Variants in GPD2 observed in about 807,000 individuals in gnomAD.
The protein encoded by GPD2 is glycerol-3-phosphate dehydrogenase, mitochondrial.
Under a neutral mutation model 82.4 loss-of-function variants are expected in GPD2, and 54 were observed. The observed-to-expected ratio is 0.66, with a 90% CI of 0.53 to 0.82. The LOEUF (loss-of-function observed/expected upper bound fraction) is 0.82, where lower values mean the gene tolerates loss of function less well. GPD2 is among the 40% of genes least tolerant of loss of function. The probability of loss-of-function intolerance (pLI) is 0.00; values close to 1 mark genes in which losing one functional copy is unlikely to be tolerated. For missense variants in GPD2, 748 were observed against 896.2 expected (o/e 0.83, Z 2.11); for synonymous variants, 288 against 306.1 (o/e 0.94, Z 0.62).
At chr2:156,545,538 T>C (rs945965125) in intron 6 of GPD2, among the ~76,000 whole-genome samples, 3 of 152,194 alleles carry the variant, frequency 2.0e-5, no homozygotes, top group African/African-American at 7.2e-5. Context: ...GGACAGATGC[T>C]ATTCTAATTG....
At chr2:156,426,439 TG>T in the GPD2 span, among the ~76,000 whole-genome samples, 12 of 152,178 alleles carry the variant, frequency 7.9e-5, no homozygotes, top group African/African-American at 1.9e-4. Flanking sequence ...GAGAACAGCA[TG>T]GGGGAAACTG....
At chr2:156,552,565 T>G (rs564496646) in intron 8 of GPD2, among the ~76,000 whole-genome samples, 1 of 152,216 alleles carries the variant, frequency 6.6e-6, no homozygotes, top group East Asian at 1.9e-4. Context: ...TTTACTAGAT[T>G]CAACATATTC....
intron 13 of GPD2, among the ~76,000 whole-genome samples, chr2:156,574,840 A>G (rs1225861329): frequency 1.3e-5 from 2 of 152,220 alleles, no homozygotes; most frequent in Non-Finnish European, 2.9e-5. Context: ...AGAAAAAAAC[A>G]AAAGCAAATA....
the GPD2 span, among the ~76,000 whole-genome samples, chr2:156,424,562 A>G: frequency 6.6e-6 from 1 of 152,228 alleles, no homozygotes; most frequent in Admixed American, 6.5e-5. Flanking sequence ...TCAGAGAGCT[A>G]AGGAAACAGA....
Position 156,579,555 on chromosome 2 carries a change from C to A in GPD2, c.1960-135C>A. On this transcript the variant is annotated intron_variant, in intron 15 of 16. Transcript: ENST00000438166. ...CCATGTTGGCCAGGCTGGTCTCGAA[C>A]TCCTGACCTCAACTAATCTGCCTGC... 4.7e-6 allele frequency: 3 copies of A among 644,796 alleles called. No individual in the cohort carries two copies. The Admixed American group carries it at 7.0e-5, about 15-fold the overall frequency. 39.9% of individuals were successfully genotyped at this position (644,796 alleles called of 1,614,324 possible).
the GPD2 span, among the ~76,000 whole-genome samples, chr2:156,411,517 T>C: frequency 2.0e-5 from 3 of 152,058 alleles, no homozygotes; most frequent in African/African-American, 7.2e-5. Context: ...GGTTTTACAA[T>C]ATTGGCCAGG....
intron 2 of GPD2, among the ~76,000 whole-genome samples, chr2:156,478,399 A>T (rs1311415182): frequency 1.3e-5 from 2 of 152,210 alleles, no homozygotes; most frequent in African/African-American, 4.8e-5. Context: ...TAAGAAATCC[A>T]ACTATGTGCA....
chr2:156,537,489 C>T (rs984505776), intron 6 of GPD2, among the ~76,000 whole-genome samples: 2 of 152,128 alleles, frequency 1.3e-5, no homozygotes, highest in African/African-American at 4.8e-5. Context: ...CGTGGTATGT[C>T]CCAGCCTTGT....
chr2:156,560,456 G>A (rs1687127616), intron 9 of GPD2, among the ~76,000 whole-genome samples: 1 of 152,186 alleles, frequency 6.6e-6, no homozygotes, highest in Admixed American at 6.5e-5. Flanking sequence ...TGGTGATCTG[G>A]GGACATCTTG....
At chr2:156,563,048 AAAGC>A (rs1182391718) in intron 9 of GPD2, among the ~76,000 whole-genome samples, 1 of 152,118 alleles carries the variant, frequency 6.6e-6, no homozygotes, top group Non-Finnish European at 1.5e-5. Flanking sequence ...TGTTTTATTT[AAAGC>A]ATTCATGTAA....
chr2:156,456,123 T>C (rs1323242936), intron 1 of GPD2, among the ~76,000 whole-genome samples: 1 of 152,204 alleles, frequency 6.6e-6, no homozygotes, highest in African/African-American at 2.4e-5. Context: ...TGCTCACTAT[T>C]GCCATTGTTT....
chr2:156,455,992 A>G (rs1394144043), intron 1 of GPD2, among the ~76,000 whole-genome samples: 1 of 152,206 alleles, frequency 6.6e-6, no homozygotes, highest in Non-Finnish European at 1.5e-5. Context: ...CTGATGAAGT[A>G]GTAGATGAGT....
At chr2:156,444,245 G>A (rs1325525730) in intron 1 of GPD2, among the ~76,000 whole-genome samples, 1 of 152,142 alleles carries the variant, frequency 6.6e-6, no homozygotes, top group Non-Finnish European at 1.5e-5. Context: ...GCCTCTCCAG[G>A]TATAGCATTC....
intron 6 of GPD2, among the ~76,000 whole-genome samples, chr2:156,528,906 A>T (rs1685722148): frequency 6.6e-6 from 1 of 152,178 alleles, no homozygotes; most frequent in African/African-American, 2.4e-5. Context: ...CATAGTGTGC[A>T]TGTGTCTTTA....
At position 156,496,163 on chromosome 2, in the gene GPD2, T is replaced by C. The variant is rs748476035; in HGVS notation, c.222T>C (p.Val74=). Residue 74 remains valine (V), a synonymous_variant, in exon 3 of 17, where the codon GTT becomes GTC. Transcript: ENST00000438166. ...ACACATCTGAATTTGATATCCTTGT[T>C]ATTGGAGGAGGAGCAACAGGAAGTG... ...LQNTSEFDIL[V]IGGGATGSGC... 1 of 1,613,014 alleles carries C rather than the reference T, an allele frequency of 6.2e-7. No individual in the cohort carries two copies. Among genetic ancestry groups the C allele is most frequent in the Non-Finnish European group, 8.5e-7 (1 of 1,179,056 alleles).
chr2:156,528,841 T>G (rs949597585), intron 6 of GPD2, among the ~76,000 whole-genome samples: 3 of 152,328 alleles, frequency 2.0e-5, no homozygotes, highest in Non-Finnish European at 1.5e-5. Context: ...TCTATCATTG[T>G]TGGACATTTG....
chr2:156,577,034 C>A (rs1171350199), intron 13 of GPD2, among the ~76,000 whole-genome samples: 1 of 152,208 alleles, frequency 6.6e-6, no homozygotes, highest in East Asian at 1.9e-4. Context: ...CACATACACA[C>A]ACACAAACAC....
At chr2:156,545,832 C>T (rs1011576556) in intron 6 of GPD2, among the ~76,000 whole-genome samples, 1 of 151,162 alleles carries the variant, frequency 6.6e-6, no homozygotes, top group Non-Finnish European at 1.5e-5. Context: ...AACTTTGACT[C>T]TGAGGAGAGC....
intron 15 of GPD2, 145 bp downstream of exon 15, chr2:156,579,309 AT>A (rs1229462587): frequency 3.6e-5 from 21 of 579,970 alleles, no homozygotes; most frequent in African/African-American, 1.0e-4. Flanking sequence ...CATATTTATA[AT>A]TTTTTTTCTT....
Sources: allele counts gnomAD v4.1 joint callset (sites outside exome capture counted in the v4.1 genomes callset), GRCh38; gene constraint gnomAD v4.1.1; transcripts MANE v1.5; gene names NCBI Gene and HGNC (gene_info 2026-07-23, HGNC 2026-07-21).